The following ADGRV1 variants were observed in gnomAD, a reference collection of about 807,000 sequenced individuals.
The protein encoded by ADGRV1 is adhesion G protein-coupled receptor V1.
A neutral mutation model predicts 596.2 loss-of-function variants in ADGRV1; 359 were observed. That is an observed-to-expected ratio of 0.60 (90% CI 0.55 to 0.66). The LOEUF (loss-of-function observed/expected upper bound fraction) is 0.66. Ranked by LOEUF, ADGRV1 falls within the 30% of genes least tolerant of loss-of-function variation. The pLI is 0.00. For synonymous variants in ADGRV1, 2,681 were observed against 2,679.2 expected, an observed-to-expected ratio of 1.00 and a Z score of -0.02; for missense variants, 7,274 against 7,575.6, an observed-to-expected ratio of 0.96 and a Z score of 1.48.
At chr5:91,130,596 G>A (rs1177339059) in intron 87 of ADGRV1, among the ~76,000 whole-genome samples, 1 of 151,358 alleles carries the variant, frequency 6.6e-6, no homozygotes, top group Non-Finnish European at 1.5e-5. Flanking sequence ...TGGGTTACTG[G>A]TTACTGAAAA....
chr5:91,006,124 T>C (rs1782254589), intron 85 of ADGRV1, among the ~76,000 whole-genome samples: 1 of 152,086 alleles, frequency 6.6e-6, no homozygotes, highest in South Asian at 2.1e-4. Flanking sequence ...TTCCTGGAAG[T>C]TTAATTTTAT....
At chr5:90,572,752 T>A (rs896505753) in intron 1 of ADGRV1, among the ~76,000 whole-genome samples, 2 of 152,132 alleles carry the variant, frequency 1.3e-5, no homozygotes, top group Admixed American at 6.6e-5. Context: ...GACCGTAGGA[T>A]ACGTGTTTTG....
At chr5:90,953,549 T>A (rs1441192213) in intron 83 of ADGRV1, among the ~76,000 whole-genome samples, 13 of 152,104 alleles carry the variant, frequency 8.5e-5, no homozygotes, top group Non-Finnish European at 1.6e-4. Flanking sequence ...GAGTTTTTTG[T>A]TTTGTTTTGT....
At chr5:90,719,429 A>C (rs1280744753) in intron 43 of ADGRV1, among the ~76,000 whole-genome samples, 1 of 152,160 alleles carries the variant, frequency 6.6e-6, no homozygotes, top group East Asian at 1.9e-4. Context: ...AGAGGAAACT[A>C]CTTTCTGATT....
intron 83 of ADGRV1, among the ~76,000 whole-genome samples, chr5:90,902,809 T>C (rs116574782): frequency 4.4e-4 from 67 of 152,258 alleles, no homozygotes; most frequent in African/African-American, 1.6e-3. Context: ...CTTCTGCTTT[T>C]AGTTTTCAAG....
In ADGRV1 at chr5:90,823,570, A is replaced by C. The variant is rs1187271869; in HGVS notation, c.16342A>C (p.Ile5448Leu). 6.2e-7 allele frequency: 1 copy of C among 1,613,920 alleles called. No homozygotes were observed. Among genetic ancestry groups the C allele is most frequent in the South Asian group, 1.1e-5 (1 of 91,074 alleles). Residue 5448 changes from isoleucine to leucine, a missense_variant, in exon 76 of 90, where the codon ATC becomes CTC. By Grantham distance (5) the Ile-to-Leu change is conservative. Around this residue, in one of 5 missense-constraint regions of ADGRV1, gnomAD observed 1,874 missense variants for 1,970.2 expected, o/e 0.95. Transcript: ENST00000405460. ...TACAATGGGTCAAACAAAATGCTTTATCAGCATTGAACTCAAACCAGAAAA... is the reference window on the plus strand; with the variant it reads ...TACAATGGGTCAAACAAAATGCTTTCTCAGCATTGAACTCAAACCAGAAAA... ...TCTMGQTKCF[I>L]SIELKPEKVP...
At chr5:91,095,792 T>A (rs970021590) in intron 86 of ADGRV1, among the ~76,000 whole-genome samples, 9 of 150,944 alleles carry the variant, frequency 6.0e-5, no homozygotes, top group Admixed American at 3.3e-4. Context: ...TTTATTTAAA[T>A]TTTTTTTTTG....
At chr5:90,912,789 A>G (rs1773010248) in intron 83 of ADGRV1, among the ~76,000 whole-genome samples, 1 of 152,110 alleles carries the variant, frequency 6.6e-6, no homozygotes, top group African/African-American at 2.4e-5. Flanking sequence ...ATGGTGTAGA[A>G]GTACCACATT....
intron 87 of ADGRV1, among the ~76,000 whole-genome samples, chr5:91,111,219 C>T (rs921477708): frequency 1.8e-4 from 28 of 152,174 alleles, no homozygotes; most frequent in Non-Finnish European, 2.9e-4. Flanking sequence ...ACAGTTCTCT[C>T]TCTCTCACTC....
chr5:90,685,429 A>T (rs947700217), intron 28 of ADGRV1, among the ~76,000 whole-genome samples: 1 of 151,980 alleles, frequency 6.6e-6, no homozygotes, highest in African/African-American at 2.4e-5. Flanking sequence ...CTAAAATATA[A>T]AAGAAATTAG....
At chr5:90,985,632 C>A in intron 85 of ADGRV1, 110 bp downstream of exon 85, 1 of 757,326 alleles carries the variant, frequency 1.3e-6, no homozygotes, top group South Asian at 2.0e-5. Context: ...GCTTTTCTGC[C>A]ACAGTGTCTG....
intron 86 of ADGRV1, among the ~76,000 whole-genome samples, chr5:91,089,701 A>G (rs1231517819): frequency 6.6e-6 from 1 of 152,214 alleles, no homozygotes; most frequent in East Asian, 1.9e-4. Context: ...TTAACTCTTA[A>G]TGAGTGCTAA....
intron 89 of ADGRV1, among the ~76,000 whole-genome samples, chr5:91,153,922 C>G (rs560964244): frequency 6.6e-6 from 1 of 152,200 alleles, no homozygotes; most frequent in Non-Finnish European, 1.5e-5. Context: ...GGAAAACAGT[C>G]CAAGAGGTCC....
chr5:90,764,144 C>T lies in ADGRV1; in HGVS notation c.12285+675C>T, dbSNP rs1756825952. ...GCAGGAATGAAGTTTGCTTCCCTCT[C>T]GTGCCCGTGTTGCAGGACTCATGAC... On this transcript the variant is annotated intron_variant, in intron 59 of 89. Coordinates refer to ENST00000405460, the MANE Select transcript of ADGRV1 (RefSeq NM_032119.4). Among the ~76,000 whole-genome samples, 3 of 152,160 alleles carry T rather than the reference C, an allele frequency of 2.0e-5. No individual in the cohort carries two copies. The South Asian group carries it at 6.2e-4, about 32-fold the overall frequency.
chr5:90,616,448 G>A (rs1763377916), intron 2 of ADGRV1, among the ~76,000 whole-genome samples: 1 of 152,104 alleles, frequency 6.6e-6, no homozygotes, highest in Admixed American at 6.6e-5. Flanking sequence ...GGAGATGTGG[G>A]AGAATATAAG....
chr5:91,056,506 G>T (rs775036223), intron 85 of ADGRV1, among the ~76,000 whole-genome samples: 1 of 152,042 alleles, frequency 6.6e-6, no homozygotes, highest in Non-Finnish European at 1.5e-5. Flanking sequence ...ACTTCAAAAC[G>T]ACAATTTTTT....
At chr5:90,879,631 A>G (rs561242507) in intron 83 of ADGRV1, among the ~76,000 whole-genome samples, 1 of 151,980 alleles carries the variant, frequency 6.6e-6, no homozygotes, top group African/African-American at 2.4e-5. Flanking sequence ...GGTAAGGCGT[A>G]TGTTTAATTT....
At chr5:91,005,048 A>G (rs1279792405) in intron 85 of ADGRV1, among the ~76,000 whole-genome samples, 3 of 152,164 alleles carry the variant, frequency 2.0e-5, no homozygotes, top group Non-Finnish European at 4.4e-5. Flanking sequence ...TTGTTGTTAA[A>G]TGCACCACAT....
rs758972504 is a variant in ADGRV1, at chr5:90,685,840, C to T, written c.6335C>T (p.Ala2112Val). The change falls in exon 29 of 90, where the codon GCC (alanine) becomes GTC (valine). Residue 2112 changes from alanine to valine, a missense_variant. Ala to Val is a moderately conservative substitution (Grantham distance 64). Transcript: ENST00000405460. ...ACTATTGCGCAACTAATTATCATTG[C>T]CAATGATGATGCATTTGGAACTCTT... ...VETIAQLIII[A>V]NDDAFGTLQL... The T allele has an allele frequency of 1.2e-6, 2 of 1,612,096 alleles. No individual in the cohort carries two copies. Among genetic ancestry groups the T allele is most frequent in the South Asian group, 1.1e-5 (1 of 90,862 alleles).
Sources: gnomAD v4.1 joint callset for allele counts (sites outside exome capture counted in the v4.1 genomes callset) on GRCh38, gnomAD v4.1.1 for gene constraint, gnomAD v4.1.1 regional missense constraint, MANE v1.5 for transcripts, NCBI Gene and HGNC (gene_info 2026-07-23, HGNC 2026-07-21) for gene names.